RBFOX1: variants seen among roughly 807,000 people sequenced by gnomAD.
The protein encoded by RBFOX1 is RNA binding protein fox-1 homolog 1.
A neutral mutation model predicts 57.7 loss-of-function variants in RBFOX1; 8 were observed. The ratio of observed to expected loss-of-function variants is 0.14; its 90% confidence interval spans 0.08 to 0.25. The LOEUF (loss-of-function observed/expected upper bound fraction) is 0.25, where lower values mean the gene tolerates loss of function less well. Ranked by LOEUF, RBFOX1 falls within the 10% of genes least tolerant of loss-of-function variation. The pLI, the probability that RBFOX1 is intolerant of heterozygous loss-of-function variation, is 1.00. For synonymous variants in RBFOX1, 326 were observed against 222.4 expected (o/e 1.47, Z -4.15); for missense variants, 611 against 548.5 (o/e 1.11, Z -1.14).
rs57236292 is a variant in RBFOX1, at chr16:6,613,003, A to ATG, written c.-63-41561_-63-41560dup. On this transcript the variant is annotated intron_variant, in intron 2 of 15. Coordinates refer to ENST00000550418, the MANE Select transcript of RBFOX1 (RefSeq NM_018723.4). Reference sequence around the variant, plus strand: ...AGAGAAGGCAGGTGCCAGTCCCAGCATGTGTGTGTGTGTGTGTGTGTGTGT... The same window carrying ATG: ...AGAGAAGGCAGGTGCCAGTCCCAGCATGTGTGTGTGTGTGTGTGTGTGTGTGT... 9.2e-3 allele frequency among the ~76,000 whole-genome samples: 1,320 copies of ATG among 143,220 alleles called. 9 individuals are homozygous for ATG. The highest frequency in any genetic ancestry group is 0.015 in the African/African-American group (578 of 38,418). 94.0% of individuals were successfully genotyped at this position (143,220 alleles called of 152,430 possible). A position where few individuals can be genotyped will look rare whatever the true frequency, so the allele number is the denominator to read the frequency against.
intron 1 of RBFOX1, chr16:5,366,773 AT>A: frequency 3.6e-6 from 1 of 280,604 alleles, no homozygotes; most frequent in South Asian, 3.9e-5. Context: ...CCTTTTTGTA[AT>A]GCAGAGTGAT....
intron 2 of RBFOX1, among the ~76,000 whole-genome samples, chr16:5,481,924 A>T (rs2069557918): frequency 6.6e-6 from 1 of 152,080 alleles, no homozygotes; most frequent in African/African-American, 2.4e-5. Context: ...ACCTCATCTC[A>T]CTTTAGTTAC....
chr16:7,354,653 G>C (rs775038867), intron 4 of RBFOX1, among the ~76,000 whole-genome samples: 5 of 152,300 alleles, frequency 3.3e-5, no homozygotes, highest in Admixed American at 2.6e-4. Context: ...TATGAGGAAA[G>C]AATTAGGATA....
At chr16:6,465,277 G>A (rs932583105) in intron 2 of RBFOX1, among the ~76,000 whole-genome samples, 8 of 152,072 alleles carry the variant, frequency 5.3e-5, no homozygotes, top group Non-Finnish European at 1.0e-4. Context: ...TGTTATTGTT[G>A]TTAATTATTT....
At chr16:7,458,340 C>G (rs987469740) in intron 4 of RBFOX1, among the ~76,000 whole-genome samples, 30 of 152,152 alleles carry the variant, frequency 2.0e-4, no homozygotes, top group African/African-American at 6.8e-4. Flanking sequence ...CTGGGCCAGT[C>G]CACTTTGTGC....
At chr16:5,827,270 G>C in intron 3 of RBFOX1, among the ~76,000 whole-genome samples, 1 of 151,778 alleles carries the variant, frequency 6.6e-6, no homozygotes, top group Admixed American at 6.6e-5. Context: ...TGTGGTGGTG[G>C]GTGCCAGTAA....
chr16:6,673,597 C>T (rs956953718), intron 3 of RBFOX1, among the ~76,000 whole-genome samples: 14 of 151,992 alleles, frequency 9.2e-5, no homozygotes, highest in African/African-American at 3.1e-4. Flanking sequence ...GAGCGAGACT[C>T]CATGTCAAAA....
At chr16:6,579,894 T>C (rs960377466) in intron 2 of RBFOX1, among the ~76,000 whole-genome samples, 1 of 152,110 alleles carries the variant, frequency 6.6e-6, no homozygotes. Context: ...CCTTCAGTCC[T>C]TTTTAAAGTG....
At chr16:6,429,898 C>G (rs1038461897) in intron 2 of RBFOX1, among the ~76,000 whole-genome samples, 8 of 152,116 alleles carry the variant, frequency 5.3e-5, no homozygotes, top group African/African-American at 1.9e-4. Flanking sequence ...CACCTGAGGT[C>G]AGGAGTTCAA....
At chr16:7,386,128 G>A (rs2097875417) in intron 4 of RBFOX1, among the ~76,000 whole-genome samples, 3 of 151,910 alleles carry the variant, frequency 2.0e-5, no homozygotes, top group Admixed American at 6.6e-5. Context: ...AAGGCATGGT[G>A]AGGACTCTTG....
intron 3 of RBFOX1, among the ~76,000 whole-genome samples, chr16:5,735,661 C>T (rs1567467364): frequency 1.3e-5 from 2 of 152,092 alleles, no homozygotes; most frequent in African/African-American, 2.4e-5. Flanking sequence ...CTTTGGGAGG[C>T]CAAAGTGGGT....
chr16:6,543,842 C>T (rs1388590461), intron 2 of RBFOX1, among the ~76,000 whole-genome samples: 4 of 151,840 alleles, frequency 2.6e-5, no homozygotes, highest in East Asian at 1.9e-4. Flanking sequence ...TCCAGATACA[C>T]CTGCATGAAA....
intron 4 of RBFOX1, among the ~76,000 whole-genome samples, chr16:5,998,782 T>C (rs1200305692): frequency 1.3e-5 from 2 of 152,222 alleles, no homozygotes; most frequent in Non-Finnish European, 2.9e-5. Context: ...TTCTGGTCTG[T>C]CGGCATCTTC....
intron 1 of RBFOX1, among the ~76,000 whole-genome samples, chr16:6,122,248 G>A (rs545141711): frequency 6.6e-5 from 10 of 151,850 alleles, no homozygotes; most frequent in South Asian, 4.2e-4. Flanking sequence ...TTTAATTAAC[G>A]TCCTGATTGT....
At chr16:6,465,545 G>C (rs906053343) in intron 2 of RBFOX1, among the ~76,000 whole-genome samples, 1 of 151,964 alleles carries the variant, frequency 6.6e-6, no homozygotes, top group African/African-American at 2.4e-5. Context: ...AAGTTTACCT[G>C]CACTTTTAGT....
In RBFOX1 at chr16:6,935,084, C is replaced by T. The variant is rs114049218; in HGVS notation, c.-15-116973C>T. The stretch of plus-strand genomic sequence containing the variant: ...CCAGCCTGCGTGACAGTGAGACCCC[C>T]ATCTCGGAAAAAAAAAAGAAAAAGA... On this transcript the variant is annotated intron_variant, in intron 3 of 15. Transcript: ENST00000550418. Among the ~76,000 whole-genome samples the T allele has an allele frequency of 8.2e-3, 1,237 of 151,714 alleles. 17 individuals carry two copies. The highest frequency in any genetic ancestry group is 0.028 in the African/African-American group (1,172 of 41,358).
chr16:5,767,188 G>T (rs781543103), intron 3 of RBFOX1, among the ~76,000 whole-genome samples: 3 of 152,188 alleles, frequency 2.0e-5, no homozygotes, highest in Non-Finnish European at 4.4e-5. Flanking sequence ...TAGCTTGGTA[G>T]AAATACCACA....
chr16:7,535,441 G>T (rs1260863059), intron 5 of RBFOX1, among the ~76,000 whole-genome samples: 2 of 152,240 alleles, frequency 1.3e-5, no homozygotes, highest in African/African-American at 4.8e-5. Context: ...GATGCAAACA[G>T]TGTTTGATAC....
intron 5 of RBFOX1, among the ~76,000 whole-genome samples, chr16:7,531,570 A>C (rs913670842): frequency 6.6e-6 from 1 of 152,198 alleles, no homozygotes; most frequent in South Asian, 2.1e-4. Flanking sequence ...TACCCAGTCC[A>C]TGCTGGGGTC....
Sources: allele counts gnomAD v4.1 joint callset (sites outside exome capture counted in the v4.1 genomes callset), GRCh38; gene constraint gnomAD v4.1.1; transcripts MANE v1.5; gene names NCBI Gene and HGNC (gene_info 2026-07-23, HGNC 2026-07-21).